LMOD1: variants seen among roughly 807,000 people sequenced by gnomAD.
LMOD1 encodes leiomodin-1.
Under a neutral mutation model 36.5 loss-of-function variants are expected in LMOD1, and 8 were observed. That is an observed-to-expected ratio of 0.22 (90% confidence interval 0.13 to 0.40). The LOEUF (loss-of-function observed/expected upper bound fraction) is 0.40. Ranked by LOEUF, LMOD1 falls within the 10% of genes least tolerant of loss-of-function variation. LMOD1 has a pLI of 1.00. For synonymous variants in LMOD1, 284 were observed against 288.7 expected, an observed-to-expected ratio of 0.98 and a Z score of 0.17; for missense variants, 630 against 751.1, an observed-to-expected ratio of 0.84 and a Z score of 1.88.
intron 1 of LMOD1, among the ~76,000 whole-genome samples, chr1:201,916,806 G>A (rs35018578): frequency 4.6e-5 from 7 of 152,128 alleles, no homozygotes; most frequent in Non-Finnish European, 7.4e-5. Context: ...CAGCCCCGGT[G>A]ATAAACATCA....
chr1:201,900,016 T>C lies in LMOD1; in HGVS notation c.997A>G (p.Thr333Ala), dbSNP rs373771006. The C allele has an allele frequency of 2.7e-5, 44 of 1,613,900 alleles. No individual in the cohort carries two copies. In the African/African-American group the frequency reaches 3.3e-4, roughly 12 times the overall value. Residue 333 changes from threonine (T) to alanine (A), a missense_variant, in exon 2 of 3, where the codon ACT becomes GCT. Physicochemically the swap from Thr to Ala is moderately conservative, Grantham distance 58. This residue lies in a region of LMOD1 where 81 missense variants were observed against 180.6 expected (regional missense o/e 0.45). Transcript: ENST00000367288. ...TCTGAGTTGTTGACGTTCACCTCAGTCATCTCGGGGTCATTGTTCTTCACT... is the reference window on the plus strand; with the variant it reads ...TCTGAGTTGTTGACGTTCACCTCAGCCATCTCGGGGTCATTGTTCTTCACT... ...ERVKNNDPEM[T>A]EVNVNNSDCI...
At chr1:201,902,792 A>T (rs936492999) in intron 1 of LMOD1, among the ~76,000 whole-genome samples, 3 of 152,086 alleles carry the variant, frequency 2.0e-5, no homozygotes, top group South Asian at 2.1e-4. Flanking sequence ...ACCTCCATGG[A>T]TCCCTGTTTC....
At chr1:201,924,621 G>T (rs1183720096) in intron 1 of LMOD1, among the ~76,000 whole-genome samples, 1 of 145,370 alleles carries the variant, frequency 6.9e-6, no homozygotes, top group Non-Finnish European at 1.5e-5. Context: ...AAAGAAAGAA[G>T]AAAGAAAGGA....
intron 1 of LMOD1, 120 bp downstream of exon 1, chr1:201,945,960 C>T (rs1408386300): frequency 1.0e-6 from 1 of 984,910 alleles, no homozygotes; most frequent in African/African-American, 1.6e-5. Flanking sequence ...AGTTCTGAAG[C>T]ATTAAAATCC....
chr1:201,932,814 A>C (rs924033211), intron 1 of LMOD1, among the ~76,000 whole-genome samples: 1 of 152,230 alleles, frequency 6.6e-6, no homozygotes, highest in Admixed American at 6.5e-5. Flanking sequence ...GCAAAGCACT[A>C]TGTTAAACCT....
Position 201,901,510 on chromosome 1 carries a change from A to AT in LMOD1, c.262-760_262-759insA, listed in dbSNP as rs1300671454. Reference sequence around the variant, plus strand: ...AGAGCGAAACTCTGTCTCAAAAAAAAAATATATATATATATATATGTATAT... The same window carrying AT: ...AGAGCGAAACTCTGTCTCAAAAAAAATAATATATATATATATATATGTATAT... On this transcript the variant is annotated intron_variant, in intron 1 of 2. Transcript: ENST00000367288. Among the ~76,000 whole-genome samples the AT allele has an allele frequency of 5.7e-4, 48 of 84,288 alleles. 1 individual carries two copies. The highest frequency in any genetic ancestry group is 1.6e-3 in the South Asian group (4 of 2,540). The allele number at this position is 84,288 out of a possible 152,430, so 55.3% of individuals were successfully genotyped here.
intron 1 of LMOD1, among the ~76,000 whole-genome samples, chr1:201,932,637 G>C (rs1456285458): frequency 6.6e-6 from 1 of 152,054 alleles, no homozygotes; most frequent in Non-Finnish European, 1.5e-5. Flanking sequence ...CTGTAGTCAG[G>C]AGGCTGAGGT....
rs1681731760 is a variant in LMOD1 at position 201,922,983 on chromosome 1, C to T, written c.262-22232G>A. Among the ~76,000 whole-genome samples, 3 of 152,056 alleles carry T rather than the reference C, an allele frequency of 2.0e-5. No individual in the cohort carries two copies. The South Asian group carries it at 6.2e-4, about 32-fold the overall frequency. On this transcript the variant is annotated intron_variant, in intron 1 of 2. Transcript: ENST00000367288. ...GGGATTACAGGTGCGCACCACCATG[C>T]CCGGCTAACGTTTGTATTTTTAGTA...
At chr1:201,914,562 T>C (rs932586991) in intron 1 of LMOD1, among the ~76,000 whole-genome samples, 1 of 152,020 alleles carries the variant, frequency 6.6e-6, no homozygotes, top group Non-Finnish European at 1.5e-5. Context: ...CTATCCGAAT[T>C]CTTCTCCCTT....
intron 1 of LMOD1, among the ~76,000 whole-genome samples, chr1:201,924,364 A>G (rs200124254): frequency 1.7e-4 from 13 of 76,400 alleles, no homozygotes; most frequent in Non-Finnish European, 2.0e-4. Flanking sequence ...AGGGAGGGAG[A>G]GAGGGAGGGA....
At chr1:201,922,724 T>C (rs1681726547) in intron 1 of LMOD1, among the ~76,000 whole-genome samples, 1 of 149,750 alleles carries the variant, frequency 6.7e-6, no homozygotes, top group Non-Finnish European at 1.5e-5. Flanking sequence ...AATATTGTTA[T>C]ATATAATATA....
intron 1 of LMOD1, among the ~76,000 whole-genome samples, chr1:201,938,712 G>A (rs1682062656): frequency 6.6e-6 from 1 of 152,210 alleles, no homozygotes; most frequent in African/African-American, 2.4e-5. Flanking sequence ...ACAATCAGAA[G>A]GAGCCTGTGG....
intron 1 of LMOD1, 37 bp downstream of exon 1, chr1:201,946,041 CCT>C (rs746515569): frequency 1.9e-6 from 3 of 1,591,608 alleles, no homozygotes; most frequent in African/African-American, 2.7e-5. Context: ...CCAGCCCTCC[CCT>C]GTCTCCCTCC....
At chr1:201,927,349 C>T (rs1471099269) in intron 1 of LMOD1, among the ~76,000 whole-genome samples, 3 of 152,228 alleles carry the variant, frequency 2.0e-5, no homozygotes, top group Admixed American at 1.3e-4. Flanking sequence ...GGGAGGATCA[C>T]GAGGTCAGGA....
At chr1:201,924,176 T>G in intron 1 of LMOD1, among the ~76,000 whole-genome samples, 1 of 146,012 alleles carries the variant, frequency 6.8e-6, no homozygotes, top group Non-Finnish European at 1.5e-5. Context: ...AAAAAAAAAT[T>G]AGCCGGGAGC....
rs1006020599 is a variant in LMOD1 at position 201,901,932 on chromosome 1, G to A, written c.262-1181C>T. Among the ~76,000 whole-genome samples, 15 of 145,890 alleles carry A rather than the reference G, an allele frequency of 1.0e-4. 1 individual carries two copies. The highest frequency in any genetic ancestry group is 3.3e-4 in the African/African-American group (13 of 39,692). ...TTTATTTTACCAATTAAGGATATTTGTAAATTATTATCATTATTATTGTTA... is the reference window on the plus strand; with the variant it reads ...TTTATTTTACCAATTAAGGATATTTATAAATTATTATCATTATTATTGTTA... On this transcript the variant is annotated intron_variant, in intron 1 of 2. Coordinates refer to ENST00000367288, the MANE Select transcript of LMOD1 (RefSeq NM_012134.3).
chr1:201,933,531 C>A (rs10920281), intron 1 of LMOD1, among the ~76,000 whole-genome samples: 31,813 of 107,088 alleles, frequency 0.3, 4,300 homozygotes, highest in East Asian at 0.57. Context: ...CTCTCTCTCT[C>A]TATATATATA....
chr1:201,923,040 G>T (rs1681732636), intron 1 of LMOD1, among the ~76,000 whole-genome samples: 1 of 152,114 alleles, frequency 6.6e-6, no homozygotes. Context: ...GGCCAGGCTG[G>T]TGTCAAACTC....
Position 201,896,926 on chromosome 1 carries a change from T to G in LMOD1, c.*1446A>C, listed in dbSNP as rs1369125724. ...CACCTCAAAGATGGTGAAACTGCTG[T>G]GCCTCCTGCTGTTGAGGCAACCTGG... On this transcript the variant is annotated 3_prime_UTR_variant, in exon 3 of 3. Coordinates refer to ENST00000367288, the MANE Select transcript of LMOD1 (RefSeq NM_012134.3). 2.8e-6 allele frequency: 1 copy of G among 351,842 alleles called. No homozygotes were observed. The highest frequency in any genetic ancestry group is 5.7e-6 in the Non-Finnish European group (1 of 176,800). 21.8% of individuals were successfully genotyped at this position (351,842 alleles called of 1,614,324 possible). A position where few individuals can be genotyped will look rare whatever the true frequency, so the allele number is the denominator to read the frequency against.
Sources: gnomAD v4.1 joint callset for allele counts (sites outside exome capture counted in the v4.1 genomes callset) on GRCh38, gnomAD v4.1.1 for gene constraint, gnomAD v4.1.1 regional missense constraint, MANE v1.5 for transcripts, NCBI Gene and HGNC (gene_info 2026-07-23, HGNC 2026-07-21) for gene names.